SEMA3C: variants seen among roughly 807,000 people sequenced by gnomAD.
SEMA3C encodes the protein semaphorin 3C.
Under a neutral mutation model 89.4 loss-of-function variants are expected in SEMA3C, and 47 were observed. The observed-to-expected ratio is 0.53, with a 90% confidence interval of 0.42 to 0.67. The LOEUF (loss-of-function observed/expected upper bound fraction) is 0.67. Ranked by LOEUF, SEMA3C falls within the 30% of genes least tolerant of loss-of-function variation. The pLI is 0.00. For missense variants in SEMA3C, 839 were observed against 929.1 expected (o/e 0.90, Z 1.26); for synonymous variants, 310 against 320.2 (o/e 0.97, Z 0.34).
At chr7:80,868,598 A>C (rs1328289239) in intron 2 of SEMA3C, among the ~76,000 whole-genome samples, 1 of 152,104 alleles carries the variant, frequency 6.6e-6, no homozygotes, top group Non-Finnish European at 1.5e-5. Context: ...TACAATGCTG[A>C]TTATTAATAT....
chr7:80,778,145 ATAGC>A (rs1788593960), intron 12 of SEMA3C, among the ~76,000 whole-genome samples: 1 of 152,244 alleles, frequency 6.6e-6, no homozygotes, highest in Admixed American at 6.5e-5. Context: ...TTCCTGTGAT[ATAGC>A]TAAAGAATAT....
chr7:80,825,779 A>G (rs994615155), intron 4 of SEMA3C, among the ~76,000 whole-genome samples: 1 of 152,148 alleles, frequency 6.6e-6, no homozygotes, highest in Non-Finnish European at 1.5e-5. Flanking sequence ...CATCAATGGG[A>G]AAAAAATCTC....
intron 17 of SEMA3C, among the ~76,000 whole-genome samples, chr7:80,746,473 GA>G (rs1787801788): frequency 3.3e-5 from 5 of 151,968 alleles, no homozygotes; most frequent in Admixed American, 2.0e-4. Context: ...GCAAAATTGG[GA>G]AAATATTTTG....
At chr7:80,920,680 TAAC>T (rs1211824523), upstream of SEMA3C, among the ~76,000 whole-genome samples, 2 of 152,228 alleles carry the variant, frequency 1.3e-5, no homozygotes, top group Non-Finnish European at 2.9e-5. Context: ...ATTAATATAG[TAAC>T]AACAGTTAAA....
intron 2 of SEMA3C, among the ~76,000 whole-genome samples, chr7:80,896,992 C>G (rs760303443): frequency 6.6e-6 from 1 of 152,120 alleles, no homozygotes; most frequent in African/African-American, 2.4e-5. Flanking sequence ...GGTAGCAAGA[C>G]TTGTGTGGCA....
intron 12 of SEMA3C, among the ~76,000 whole-genome samples, chr7:80,786,021 C>A (rs1022078622): frequency 3.9e-5 from 6 of 152,154 alleles, no homozygotes; most frequent in Non-Finnish European, 7.3e-5. Flanking sequence ...TGGCTAAGCG[C>A]GCTACCATCT....
intron 2 of SEMA3C, among the ~76,000 whole-genome samples, chr7:80,839,334 T>C (rs1259638526): frequency 1.3e-5 from 2 of 152,132 alleles, no homozygotes; most frequent in Middle Eastern, 3.2e-3. Context: ...CTAGACCTCT[T>C]GGCACTTCTG....
At chr7:80,863,707 T>TACAC (rs1169648283) in intron 2 of SEMA3C, among the ~76,000 whole-genome samples, 1 of 148,842 alleles carries the variant, frequency 6.7e-6, no homozygotes, top group African/African-American at 2.5e-5. Context: ...ATATATGTGA[T>TACAC]ATATATATCA....
At chr7:80,857,938 G>C (rs1423376460) in intron 2 of SEMA3C, among the ~76,000 whole-genome samples, 1 of 151,980 alleles carries the variant, frequency 6.6e-6, no homozygotes, top group Non-Finnish European at 1.5e-5. Context: ...TATATTCTAT[G>C]TTCATAAAGT....
intron 1 of SEMA3C, among the ~76,000 whole-genome samples, chr7:80,917,266 C>G (rs1443801287): frequency 6.6e-6 from 1 of 152,206 alleles, no homozygotes; most frequent in African/African-American, 2.4e-5. Flanking sequence ...TGTACCTACT[C>G]ACTTCAATAG....
At chr7:80,821,997 T>G (rs533302147) in intron 4 of SEMA3C, among the ~76,000 whole-genome samples, 2 of 152,328 alleles carry the variant, frequency 1.3e-5, no homozygotes, top group Non-Finnish European at 2.9e-5. Flanking sequence ...CTGAGTTAAC[T>G]ATTGAAAATG....
chr7:80,844,882 T>A (rs1790352280), intron 2 of SEMA3C, among the ~76,000 whole-genome samples: 1 of 152,214 alleles, frequency 6.6e-6, no homozygotes, highest in Non-Finnish European at 1.5e-5. Context: ...ATTGCTGCAG[T>A]AGTTTTCAAG....
At chr7:80,907,297 C>A (rs1583999505) in intron 2 of SEMA3C, among the ~76,000 whole-genome samples, 1 of 151,978 alleles carries the variant, frequency 6.6e-6, no homozygotes, top group Non-Finnish European at 1.5e-5. Context: ...AACCCCTGCC[C>A]GACTCCGGAA....
intron 12 of SEMA3C, among the ~76,000 whole-genome samples, chr7:80,780,604 C>A (rs769603871): frequency 6.6e-6 from 1 of 152,130 alleles, no homozygotes; most frequent in Non-Finnish European, 1.5e-5. Flanking sequence ...ACATTAAAGG[C>A]CAGGTGCAGT....
chr7:80,872,399 C>A (rs1165700348), intron 2 of SEMA3C, among the ~76,000 whole-genome samples: 2 of 152,058 alleles, frequency 1.3e-5, no homozygotes, highest in East Asian at 3.9e-4. Flanking sequence ...GTGAACCATC[C>A]ACCTCAGCCT....
At chr7:80,812,025 T>C (rs1364563578) in intron 5 of SEMA3C, among the ~76,000 whole-genome samples, 3 of 152,200 alleles carry the variant, frequency 2.0e-5, no homozygotes, top group African/African-American at 7.2e-5. Context: ...ACTACTGTTT[T>C]GTAAAAGGTA....
chr7:80,907,808 T>C (rs1326498814), intron 2 of SEMA3C, among the ~76,000 whole-genome samples: 1 of 151,974 alleles, frequency 6.6e-6, no homozygotes, highest in African/African-American at 2.4e-5. Flanking sequence ...TTCTTCTGCT[T>C]GAGTTATGAT....
At chr7:80,906,008 G>A (rs1792006366) in intron 2 of SEMA3C, 3 of 644,190 alleles carry the variant, frequency 4.7e-6, no homozygotes, top group Admixed American at 5.6e-5. Context: ...TGGGTGAGTA[G>A]AGAGCAAAAG....
At chr7:80,849,133 C>A (rs938973762) in intron 2 of SEMA3C, among the ~76,000 whole-genome samples, 1 of 152,132 alleles carries the variant, frequency 6.6e-6, no homozygotes, top group African/African-American at 2.4e-5. Flanking sequence ...AGTATGTCTA[C>A]CTAATTCTAC....
Sources: allele counts gnomAD v4.1 joint callset (sites outside exome capture counted in the v4.1 genomes callset), GRCh38; gene constraint gnomAD v4.1.1; transcripts MANE v1.5; gene names NCBI Gene and HGNC (gene_info 2026-07-23, HGNC 2026-07-21).